IPO9: variants seen among roughly 807,000 people sequenced by gnomAD.
IPO9 encodes the protein importin 9, also known as importin-9.
Under a neutral mutation model 128.6 loss-of-function variants are expected in IPO9, and 28 were observed. That is an observed-to-expected ratio of 0.22 (90% CI 0.16 to 0.30). The LOEUF is 0.30. Ranked by LOEUF, IPO9 falls within the 10% of genes least tolerant of loss-of-function variation. The pLI, the probability that IPO9 is intolerant of heterozygous loss-of-function variation, is 1.00. For synonymous variants in IPO9, 455 were observed against 475.8 expected (o/e 0.96, Z 0.57); for missense variants, 935 against 1,293.9 (o/e 0.72, Z 4.26).
chr1:201,869,652 C>T lies in IPO9; in HGVS notation c.2067C>T (p.Leu689=). Reference sequence around the variant, plus strand: ...CAAAGCCTCCCCTTTCCCAGCTTCTCATCTGCCAAGCTTTCCCTGCTGTGG... The same window carrying T: ...CAAAGCCTCCCCTTTCCCAGCTTCTTATCTGCCAAGCTTTCCCTGCTGTGG... ...RNTKPPLSQL[L]ICQAFPAVAQ... Residue 689 remains leucine (L), a synonymous_variant, in exon 17 of 24, where the codon CTC becomes CTT. Coordinates refer to ENST00000361565, the MANE Select transcript of IPO9 (RefSeq NM_018085.5). 2 of 1,614,216 alleles carry T rather than the reference C, an allele frequency of 1.2e-6. No individual in the cohort carries two copies. The highest frequency in any genetic ancestry group is 1.7e-6 in the Non-Finnish European group (2 of 1,180,026).
rs1680916437 is a variant in IPO9 at position 201,882,937 on chromosome 1, A to G, written c.*6883A>G. On this transcript the variant is annotated 3_prime_UTR_variant, in exon 24 of 24. Coordinates refer to ENST00000361565, the MANE Select transcript of IPO9 (RefSeq NM_018085.5). The stretch of plus-strand genomic sequence containing the variant: ...ATGTTTGGCTCATTCTTCCTGACTC[A>G]CTGGATTACACTGTGACTCAGTTCA... The G allele has an allele frequency of 6.6e-6, 1 of 152,540 alleles. No homozygotes were observed. The highest frequency in any genetic ancestry group is 1.5e-5 in the Non-Finnish European group (1 of 68,004). 9.4% of individuals were successfully genotyped at this position (152,540 alleles called of 1,614,324 possible).
chr1:201,872,235 C>T (rs1680666443), intron 19 of IPO9, among the ~76,000 whole-genome samples: 1 of 151,750 alleles, frequency 6.6e-6, no homozygotes, highest in South Asian at 2.1e-4. Flanking sequence ...AATAAAAAAC[C>T]CAACCTTCTA....
chr1:201,851,207 G>A (rs1434452689), intron 4 of IPO9, among the ~76,000 whole-genome samples: 3 of 145,310 alleles, frequency 2.1e-5, no homozygotes, highest in Non-Finnish European at 3.0e-5. Flanking sequence ...TAAATGTACT[G>A]GCAGATCTTG....
chr1:201,861,342 AT>A (rs2102882879), intron 13 of IPO9, among the ~76,000 whole-genome samples: 1 of 152,316 alleles, frequency 6.6e-6, no homozygotes, highest in South Asian at 2.1e-4. Flanking sequence ...CCAAAGCAAT[AT>A]GCATTTAGTA....
rs1387717593 is a variant in IPO9 at position 201,829,330 on chromosome 1, G to T, written c.121G>T (p.Ala41Ser). 1 of 1,591,570 alleles carries T rather than the reference G, an allele frequency of 6.3e-7. No homozygotes were observed. Among genetic ancestry groups the T allele is most frequent in the East Asian group, 2.3e-5 (1 of 43,582 alleles). The change falls in exon 1 of 24, where the codon GCG (alanine) becomes TCG (serine). Residue 41 changes from alanine to serine, a missense_variant. Around this residue, in one of 3 missense-constraint regions of IPO9, gnomAD observed 741 missense variants for 1,019.1 expected, o/e 0.73. Coordinates refer to ENST00000361565, the MANE Select transcript of IPO9 (RefSeq NM_018085.5). ...GILSPVQEVR[A>S]AAEEQIKVLE... ...CCTATCCCCAGTACAGGAGGTGCGG[G>T]CGGCTGCTGAAGAACAGATTAAGGT...
At chr1:201,863,283 CGGA>C in intron 13 of IPO9, 162 bp from the exon 14 acceptor site, 1 of 499,298 alleles carries the variant, frequency 2.0e-6, no homozygotes, top group Non-Finnish European at 3.4e-6. Flanking sequence ...ACCCGGGGGA[CGGA>C]GGTTGCAGTG....
Position 201,870,458 on chromosome 1 carries a change from A to C in IPO9, c.2134-125A>C. 1.9e-5 allele frequency: 21 copies of C among 1,077,302 alleles called. No homozygotes were observed. The highest frequency in any genetic ancestry group is 2.6e-5 in the Non-Finnish European group (20 of 767,626). The allele number at this position is 1,077,302 out of a possible 1,614,324, so 66.7% of individuals were successfully genotyped here. ...AACTCCAGTGGTATGAGCCCACCAC[A>C]AACATTATAGACTCACCGCTTTTAT... On this transcript the variant is annotated intron_variant, in intron 17 of 23. Coordinates refer to ENST00000361565, the MANE Select transcript of IPO9 (RefSeq NM_018085.5). The surrounding 1 kb of genome is among the most constrained non-coding windows in gnomAD (Gnocchi z 4.9).
chr1:201,854,902 C>T lies in IPO9; in HGVS notation c.890C>T (p.Thr297Ile). Residue 297 changes from threonine to isoleucine, a missense_variant, in exon 8 of 24, where the codon ACC becomes ATC. By Grantham distance (89) the Thr-to-Ile change is moderately conservative. Around this residue, in one of 3 missense-constraint regions of IPO9, gnomAD observed 741 missense variants for 1,019.1 expected, o/e 0.73. Transcript: ENST00000361565. ...CAGATTCTGCCTATTGTTTGGAACACCCTAACCGAGAGTGCAGCTTTATAT... is the reference window on the plus strand; with the variant it reads ...CAGATTCTGCCTATTGTTTGGAACATCCTAACCGAGAGTGCAGCTTTATAT... Reference protein sequence around the residue: ...MQQILPIVWNTLTESAAFYVR... With the variant: ...MQQILPIVWNILTESAAFYVR... 6.2e-7 allele frequency: 1 copy of T among 1,607,244 alleles called. No individual in the cohort carries two copies. Among genetic ancestry groups the T allele is most frequent in the South Asian group, 1.1e-5 (1 of 89,718 alleles).
rs1372552879 is a variant in IPO9, at chr1:201,883,327, G to C, written c.*7273G>C. On this transcript the variant is annotated 3_prime_UTR_variant, in exon 24 of 24. Coordinates refer to ENST00000361565, the MANE Select transcript of IPO9 (RefSeq NM_018085.5). ...TCTAGTGAACTGCAATTAGGCCCAG[G>C]GTCCCGGAGGAAGAAGGGGAGAGAA... 6.6e-6 allele frequency: 1 copy of C among 152,192 alleles called. No individual in the cohort carries two copies. The highest frequency in any genetic ancestry group is 1.5e-5 in the Non-Finnish European group (1 of 68,084). The allele number at this position is 152,192 out of a possible 1,614,324, so 9.4% of individuals were successfully genotyped here. A position where few individuals can be genotyped will look rare whatever the true frequency, so the allele number is the denominator to read the frequency against.
rs2102863707 is a variant in IPO9 at position 201,829,372 on chromosome 1, GGTGA to G, written c.163+6_163+9del. On this transcript the variant is annotated splice_donor_variant and splice_donor_region_variant and intron_variant, in intron 1 of 23. Coordinates refer to ENST00000361565, the MANE Select transcript of IPO9 (RefSeq NM_018085.5). LOFTEE classifies it high-confidence loss of function. The stretch of plus-strand genomic sequence containing the variant: ...GATTAAGGTGCTGGAGGTGACGGAG[GGTGA>G]GTGAGGCGGGACCGTCACGAGGATG... The G allele has an allele frequency of 6.4e-7, 1 of 1,567,288 alleles. No individual in the cohort carries two copies. Among genetic ancestry groups the G allele is most frequent in the Non-Finnish European group, 8.6e-7 (1 of 1,158,256 alleles).
intron 14 of IPO9, among the ~76,000 whole-genome samples, chr1:201,865,199 C>CTTTTTTTTTTTT (rs201084995): frequency 1.5e-5 from 2 of 132,852 alleles, no homozygotes; most frequent in African/African-American, 2.8e-5. Flanking sequence ...AACTATTTTT[C>CTTTTTTTTTTTT]TTTTTTTTTT....
In IPO9 at chr1:201,848,521, C is replaced by A; in HGVS notation, c.441C>A (p.Leu147=). 1 of 1,614,196 alleles carries A rather than the reference C, an allele frequency of 6.2e-7. No homozygotes were observed. The highest frequency in any genetic ancestry group is 8.5e-7 in the Non-Finnish European group (1 of 1,180,038). The change falls in exon 4 of 24, where the codon CTC becomes CTA. Residue 147 remains leucine, a synonymous_variant. Transcript: ENST00000361565. ...ACTGGCCTGAAGCTTGGCCCCAACT[C>A]TTCAACCTGCTCATGGAGATGTTGG... The part of the protein sequence containing the change: ...HWDWPEAWPQ[L]FNLLMEMLVS...
chr1:201,868,280 T>C (rs1314287326), intron 15 of IPO9, among the ~76,000 whole-genome samples: 1 of 151,644 alleles, frequency 6.6e-6, no homozygotes, highest in Non-Finnish European at 1.5e-5. Flanking sequence ...TTTGCAGCTT[T>C]CATGTCTTCT....
At position 201,874,501 on chromosome 1, in the gene IPO9, T is replaced by A; in HGVS notation, c.2833+129T>A. The A allele has an allele frequency of 2.9e-6, 3 of 1,049,708 alleles. 1 individual carries two copies. In the South Asian group the frequency reaches 4.8e-5, roughly 17 times the overall value. 65.0% of individuals were successfully genotyped at this position (1,049,708 alleles called of 1,614,324 possible). On this transcript the variant is annotated intron_variant, in intron 21 of 23. Transcript: ENST00000361565. ...GTTGATGGAATGGCTGCTCTGTGGC[T>A]GGCACCATGCTAGGCACTAGGCATG...
intron 1 of IPO9, among the ~76,000 whole-genome samples, chr1:201,833,410 TGTA>T (rs759103497): frequency 1.3e-5 from 2 of 152,030 alleles, no homozygotes; most frequent in African/African-American, 2.4e-5. Context: ...GGCTAATTTT[TGTA>T]TTTTTAGTAG....
At position 201,870,996 on chromosome 1, in the gene IPO9, T is replaced by C; in HGVS notation, c.2409+138T>C. On this transcript the variant is annotated intron_variant, in intron 18 of 23. Transcript: ENST00000361565. The surrounding 1 kb of genome is among the most constrained non-coding windows in gnomAD (Gnocchi z 4.9). ...TAAGTAAAATGGGACCTGTCTGATC[T>C]GTTTGGCCTAAGAAACATGGACAAG... is the stretch of plus-strand genomic sequence containing the variant. 2 of 1,306,056 alleles carry C rather than the reference T, an allele frequency of 1.5e-6. No homozygotes were observed. The highest frequency in any genetic ancestry group is 4.7e-5 in the East Asian group (2 of 42,472). The allele number at this position is 1,306,056 out of a possible 1,614,324, so 80.9% of individuals were successfully genotyped here.
chr1:201,857,240 T>C (rs1472214315), intron 11 of IPO9, 46 bp downstream of exon 11: 2 of 1,278,454 alleles, frequency 1.6e-6, no homozygotes, highest in Non-Finnish European at 1.1e-6. Flanking sequence ...TATCAGTCAC[T>C]TGAGCATTTC....
At chr1:201,858,698 C>T in intron 12 of IPO9, 145 bp downstream of exon 12, 1 of 814,422 alleles carries the variant, frequency 1.2e-6, no homozygotes, top group Non-Finnish European at 1.8e-6. Flanking sequence ...TAAAATTTCA[C>T]TCTTTTCAGC....
At chr1:201,830,568 A>G (rs752358988) in intron 1 of IPO9, among the ~76,000 whole-genome samples, 14 of 152,232 alleles carry the variant, frequency 9.2e-5, no homozygotes, top group Admixed American at 2.0e-4. Context: ...TCAGATCTAT[A>G]CAGGAGAAAC....
Sources: gnomAD v4.1 joint callset for allele counts (sites outside exome capture counted in the v4.1 genomes callset) on GRCh38, gnomAD v4.1.1 for gene constraint, gnomAD v4.1.1 regional missense constraint, Gnocchi (gnomAD v3.1) non-coding constraint, MANE v1.5 for transcripts, NCBI Gene and HGNC (gene_info 2026-07-23, HGNC 2026-07-21) for gene names.